The following SLC17A1 variants were observed in gnomAD, a reference collection of about 807,000 sequenced individuals.
SLC17A1 encodes the protein solute carrier family 17 member 1, also known as sodium-dependent phosphate transport protein 1.
SLC17A1 carries 51 observed loss-of-function variants against 53.5 expected under a neutral mutation model. That is an observed-to-expected ratio of 0.95 (90% CI 0.76 to 1.20). The LOEUF (loss-of-function observed/expected upper bound fraction) is 1.20. SLC17A1 is among the 50% of genes most tolerant of loss of function. SLC17A1 has a pLI of 0.00. For missense variants in SLC17A1, 538 were observed against 568.2 expected, an observed-to-expected ratio of 0.95 and a Z score of 0.54; for synonymous variants, 179 against 198.8, an observed-to-expected ratio of 0.90 and a Z score of 0.84.
At chr6:25,779,039 A>C (rs772547396), downstream of SLC17A1, 24 of 1,613,150 alleles carry the variant, frequency 1.5e-5, no homozygotes, top group Non-Finnish European at 8.5e-6. Context: ...ATAACTTGTA[A>C]TTTTCTGCCT....
chr6:25,819,095 C>G lies in SLC17A1; in HGVS notation c.589G>C (p.Gly197Arg). ...AAAATATAGAAGACCATGGGCCAGCCCAGAGATTCACAGATAACTCCAGTC... is the reference window on the plus strand; with the variant it reads ...AAAATATAGAAGACCATGGGCCAGCGCAGAGATTCACAGATAACTCCAGTC... The part of the protein sequence containing the change: ...LVTGVICESL[G>R]WPMVFYIFGA... The change falls in exon 6 of 13, where the codon GGC becomes CGC. Residue 197 changes from glycine (G) to arginine (R), a missense_variant. Physicochemically the swap from Gly to Arg is moderately radical, Grantham distance 125. Transcript: ENST00000244527. 6.2e-7 allele frequency: 1 copy of G among 1,609,318 alleles called. No individual in the cohort carries two copies. Among genetic ancestry groups the G allele is most frequent in the Admixed American group, 1.7e-5 (1 of 59,072 alleles).
At chr6:25,727,006 G>A in the SLC17A1 span, 6 of 1,614,194 alleles carry the variant, frequency 3.7e-6, no homozygotes, top group African/African-American at 1.3e-5. Context: ...AAGCGCAAGA[G>A]GACCCGTAAG....
In SLC17A1 at chr6:25,811,637, C is replaced by A. The variant is rs534609693; in HGVS notation, c.1030+1G>T. 6.8e-6 allele frequency: 11 copies of A among 1,613,796 alleles called. No individual in the cohort carries two copies. Among genetic ancestry groups the A allele is most frequent in the Non-Finnish European group, 7.6e-6 (9 of 1,179,882 alleles). On this transcript the variant is annotated splice_donor_variant, in intron 9 of 12. Transcript: ENST00000244527. LOFTEE classifies it high-confidence loss of function. The stretch of plus-strand genomic sequence containing the variant: ...GCTTAAATGTTCTGGCTGTTGCTTA[C>A]CTGCTGCTGTGAAGAGTTTCCGGAC...
chr6:25,778,196 T>C (rs774440836), downstream of SLC17A1, among the ~76,000 whole-genome samples: 26 of 152,078 alleles, frequency 1.7e-4, no homozygotes, highest in Non-Finnish European at 2.9e-4. Context: ...AGAATCTTAC[T>C]GGTATAAACT....
the SLC17A1 span, among the ~76,000 whole-genome samples, chr6:25,753,054 T>A: frequency 6.6e-6 from 1 of 152,216 alleles, no homozygotes; most frequent in African/African-American, 2.4e-5. Flanking sequence ...AAAAAAGATT[T>A]ATTAAAACTA....
rs1365356722 is a variant in SLC17A1 at position 25,819,826 on chromosome 6, T to G, written c.297A>C (p.Gly99=). 6.2e-7 allele frequency: 1 copy of G among 1,613,950 alleles called. No individual in the cohort carries two copies. Among genetic ancestry groups the G allele is most frequent in the Non-Finnish European group, 8.5e-7 (1 of 1,179,972 alleles). The part of the protein sequence containing the change: ...YGVIIIQVPV[G]YFSGIYSTKK... ...TTGTAGAATATATTCCAGAGAAGTA[T>G]CCAACAGGAACTTGGATGATGATGA... Residue 99 remains glycine, a synonymous_variant, in exon 4 of 13, where the codon GGA becomes GGC. Transcript: ENST00000244527.
At position 25,813,092 on chromosome 6, in the gene SLC17A1, T is replaced by C. The variant is rs376935127; in HGVS notation, c.735+3A>G. On this transcript the variant is annotated splice_donor_region_variant and intron_variant, in intron 7 of 12. Transcript: ENST00000244527. ...GATGCCAATATGGAGAACTGTGTTC[T>C]ACCTGCTGGACCAGGGAGGATGTGA... 4.3e-6 allele frequency: 7 copies of C among 1,613,434 alleles called. No homozygotes were observed. The highest frequency in any genetic ancestry group is 5.9e-6 in the Non-Finnish European group (7 of 1,179,430).
intron 10 of SLC17A1, among the ~76,000 whole-genome samples, chr6:25,805,414 C>A (rs1402149543): frequency 6.6e-6 from 1 of 151,828 alleles, no homozygotes; most frequent in African/African-American, 2.4e-5. Flanking sequence ...GTGCCTATAT[C>A]AAAAAGTCTG....
intron 3 of SLC17A1, among the ~76,000 whole-genome samples, chr6:25,825,705 G>A (rs542998130): frequency 3.3e-5 from 5 of 151,888 alleles, no homozygotes; most frequent in Non-Finnish European, 5.9e-5. Context: ...ATTAATTATG[G>A]AAAGTTCTCA....
the SLC17A1 span, chr6:25,732,358 A>C: frequency 3.8e-6 from 1 of 266,348 alleles, no homozygotes; most frequent in Non-Finnish European, 7.3e-6. Flanking sequence ...CAATCAGATA[A>C]TCCACAATCT....
the SLC17A1 span, chr6:25,731,753 G>C: frequency 6.9e-7 from 1 of 1,454,970 alleles, no homozygotes; most frequent in Non-Finnish European, 9.4e-7. Flanking sequence ...CCTTTGGTTT[G>C]TGGAGCTCAT....
At chr6:25,820,673 G>A (rs1764522810) in intron 3 of SLC17A1, among the ~76,000 whole-genome samples, 1 of 152,022 alleles carries the variant, frequency 6.6e-6, no homozygotes, top group Non-Finnish European at 1.5e-5. Flanking sequence ...GAGGTCAGGA[G>A]ATCGAGACCA....
At chr6:25,780,379 G>A (rs1345519668), downstream of SLC17A1, 1 of 152,208 alleles carries the variant, frequency 6.6e-6, no homozygotes. Context: ...GATGATAAGT[G>A]CACTAATCTG....
intron 10 of SLC17A1, among the ~76,000 whole-genome samples, chr6:25,808,053 T>C (rs1041471716): frequency 3.9e-5 from 6 of 152,136 alleles, no homozygotes; most frequent in East Asian, 1.9e-4. Context: ...CTGTCTTCCA[T>C]AGTGGTTGTA....
the SLC17A1 span, among the ~76,000 whole-genome samples, chr6:25,745,222 A>G: frequency 6.6e-6 from 1 of 152,208 alleles, no homozygotes; most frequent in South Asian, 2.1e-4. Context: ...CTGAAAATCA[A>G]GAAAGCAGTT....
chr6:25,772,871 A>G, the SLC17A1 span, among the ~76,000 whole-genome samples: 1 of 152,066 alleles, frequency 6.6e-6, no homozygotes, highest in Admixed American at 6.6e-5. Context: ...ACCTCCCAAA[A>G]CTCAATGGTT....
chr6:25,791,022 A>G (rs1763488918), intron 12 of SLC17A1, among the ~76,000 whole-genome samples: 1 of 152,202 alleles, frequency 6.6e-6, no homozygotes, highest in Non-Finnish European at 1.5e-5. Context: ...ATAAGATAAC[A>G]ACCTTAAGTT....
chr6:25,796,615 T>A (rs916354806), intron 12 of SLC17A1, among the ~76,000 whole-genome samples: 3 of 152,056 alleles, frequency 2.0e-5, no homozygotes, highest in Non-Finnish European at 2.9e-5. Context: ...TTTAAAAAAA[T>A]TTTTCTTCAA....
chr6:25,727,294 C>T, the SLC17A1 span: 102 of 1,584,918 alleles, frequency 6.4e-5, no homozygotes, highest in Middle Eastern at 1.2e-3. Context: ...TCCAAGTAAG[C>T]CTGCTAAGTA....
Sources: gnomAD v4.1 joint callset for allele counts (sites outside exome capture counted in the v4.1 genomes callset) on GRCh38, gnomAD v4.1.1 for gene constraint, MANE v1.5 for transcripts, NCBI Gene and HGNC (gene_info 2026-07-23, HGNC 2026-07-21) for gene names.